Variants in PCDH11Y observed in about 807,000 individuals in gnomAD.
PCDH11Y encodes the protein protocadherin-11 Y-linked.
For synonymous variants in PCDH11Y, 9 were observed against 83.6 expected (o/e 0.11, Z 4.87); for missense variants, 12 against 224.8 (o/e 0.05, Z 6.05).
At chrY:5,460,791 G>C (rs2053302361) in intron 2 of PCDH11Y, among the ~76,000 whole-genome samples, 1 of 33,271 alleles carries the variant, frequency 3.0e-5, no homozygotes, top group Non-Finnish European at 7.5e-5. Context: ...ATTAAGTATT[G>C]CAAAGAAATT....
At chrY:5,407,949 G>C in intron 2 of PCDH11Y, among the ~76,000 whole-genome samples, 5 of 25,941 alleles carry the variant, frequency 1.9e-4, no homozygotes, top group Non-Finnish European at 4.5e-4. Context: ...AAGAACTAAA[G>C]CTGTGAACAT....
At chrY:5,570,709 G>A (rs2053438635) in intron 3 of PCDH11Y, among the ~76,000 whole-genome samples, 1 of 31,565 alleles carries the variant, frequency 3.2e-5, no homozygotes, top group Non-Finnish European at 7.8e-5. Context: ...ATTTTTAGAT[G>A]TGGCCTATGA....
intron 4 of PCDH11Y, among the ~76,000 whole-genome samples, chrY:5,733,185 T>C (rs2053606827): frequency 3.0e-5 from 1 of 33,745 alleles, no homozygotes; most frequent in African/African-American, 1.2e-4. Flanking sequence ...GGAGGGGTAC[T>C]GCAATTCTAT....
At chrY:5,735,978 A>C in intron 4 of PCDH11Y, among the ~76,000 whole-genome samples, 1 of 32,362 alleles carries the variant, frequency 3.1e-5, no homozygotes, top group Middle Eastern at 0.014. Flanking sequence ...GTATACCTAA[A>C]TGTGTCTGTG....
chrY:5,094,559 C>A (rs1602861779), intron 1 of PCDH11Y, among the ~76,000 whole-genome samples: 2 of 30,466 alleles, frequency 6.6e-5, no homozygotes, highest in East Asian at 1.7e-3. Flanking sequence ...GTTATGCATG[C>A]AATCACCTGG....
intron 2 of PCDH11Y, among the ~76,000 whole-genome samples, chrY:5,238,508 C>T: frequency 3.0e-5 from 1 of 33,092 alleles, no homozygotes; most frequent in Non-Finnish European, 7.4e-5. Flanking sequence ...AGGACATAGG[C>T]ATGGGCAAGG....
intron 2 of PCDH11Y, among the ~76,000 whole-genome samples, chrY:5,228,551 G>C: frequency 3.4e-5 from 1 of 29,168 alleles, no homozygotes; most frequent in Non-Finnish European, 8.1e-5. Context: ...TTTGGATGTA[G>C]GCATTTATAG....
At chrY:5,620,757 A>G in intron 4 of PCDH11Y, among the ~76,000 whole-genome samples, 1 of 33,632 alleles carries the variant, frequency 3.0e-5, no homozygotes. Flanking sequence ...AACATACACG[A>G]GTCAATAAAT....
intron 3 of PCDH11Y, among the ~76,000 whole-genome samples, chrY:5,044,418 G>T: frequency 9.0e-5 from 3 of 33,217 alleles, no homozygotes; most frequent in Non-Finnish European, 1.5e-4. Context: ...TAGTTGAGCG[G>T]TTTTGAGTGA....
chrY:5,273,849 A>T, intron 2 of PCDH11Y, among the ~76,000 whole-genome samples: 1 of 33,972 alleles, frequency 2.9e-5, no homozygotes, highest in African/African-American at 1.2e-4. Flanking sequence ...GTATGCAAGG[A>T]AATATATTTT....
chrY:5,343,549 G>A, intron 2 of PCDH11Y, among the ~76,000 whole-genome samples: 2 of 30,737 alleles, frequency 6.5e-5, no homozygotes, highest in Admixed American at 2.9e-4. Context: ...CACCACGCCC[G>A]GCCAGTATAA....
intron 2 of PCDH11Y, among the ~76,000 whole-genome samples, chrY:5,336,965 A>C: frequency 3.0e-5 from 1 of 33,463 alleles, no homozygotes; most frequent in South Asian, 6.6e-4. Flanking sequence ...AATGCAAATG[A>C]GTTAAACTAT....
At chrY:5,059,403 A>G (rs2052670037) in intron 1 of PCDH11Y, among the ~76,000 whole-genome samples, 1 of 33,617 alleles carries the variant, frequency 3.0e-5, no homozygotes, top group Non-Finnish European at 7.4e-5. Context: ...TTTGGACAAT[A>G]AAAATTAATA....
chrY:5,705,370 C>A, intron 4 of PCDH11Y, among the ~76,000 whole-genome samples: 1 of 32,407 alleles, frequency 3.1e-5, no homozygotes, highest in Non-Finnish European at 7.6e-5. Context: ...ATTCTAATTG[C>A]AATCCTAGAT....
intron 2 of PCDH11Y, among the ~76,000 whole-genome samples, chrY:5,299,232 A>G: frequency 1.5e-4 from 5 of 33,150 alleles, no homozygotes; most frequent in Admixed American, 1.4e-3. Context: ...GTGTGAAACT[A>G]TAGTTATAGA....
chrY:5,679,256 G>A, intron 4 of PCDH11Y, among the ~76,000 whole-genome samples: 1 of 33,124 alleles, frequency 3.0e-5, no homozygotes, highest in Non-Finnish European at 7.4e-5. Context: ...TTGAGGCAAG[G>A]AAAGCAAAGA....
chrY:5,555,176 C>T (rs2053422412), intron 3 of PCDH11Y, among the ~76,000 whole-genome samples: 1 of 32,777 alleles, frequency 3.1e-5, no homozygotes. Context: ...TTTGACTGCC[C>T]TGCTGGATTA....
chrY:5,709,199 C>A (rs1235691424), intron 4 of PCDH11Y, among the ~76,000 whole-genome samples: 136 of 31,018 alleles, frequency 4.4e-3, no homozygotes, highest in Admixed American at 0.019. Context: ...AAGCAATCAG[C>A]AATGAGCACT....
intron 2 of PCDH11Y, among the ~76,000 whole-genome samples, chrY:5,206,023 T>C: frequency 3.1e-5 from 1 of 32,638 alleles, no homozygotes; most frequent in Non-Finnish European, 7.5e-5. Context: ...AAAAAAAATG[T>C]GGCTACCTGA....
Sources: allele counts gnomAD v4.1 joint callset (sites outside exome capture counted in the v4.1 genomes callset), GRCh38; gene constraint gnomAD v4.1.1; transcripts MANE v1.5; gene names NCBI Gene and HGNC (gene_info 2026-07-23, HGNC 2026-07-21).